Variants in CD44 observed in about 807,000 individuals in gnomAD.
CD44 encodes the protein CD44 molecule (IN blood group), also known as CD44 antigen.
In CD44, 49 loss-of-function variants were observed where a neutral mutation model predicts 88.8. The ratio of observed to expected loss-of-function variants is 0.55; its 90% CI spans 0.44 to 0.70. CD44 has a LOEUF of 0.70. Among genes scored for constraint, CD44 ranks in the 30% least tolerant of loss-of-function variants. The probability of loss-of-function intolerance (pLI) is 0.00; values close to 1 mark genes in which losing one functional copy is unlikely to be tolerated. For missense variants in CD44, 883 were observed against 913.8 expected (o/e 0.97, Z 0.43); for synonymous variants, 325 against 312.3 (o/e 1.04, Z -0.43).
intron 1 of CD44, among the ~76,000 whole-genome samples, chr11:35,168,699 A>C (rs1455330807): frequency 2.0e-5 from 3 of 152,246 alleles, no homozygotes; most frequent in Non-Finnish European, 4.4e-5. Context: ...CTCAAGTTAG[A>C]AAACAAATTA....
chr11:35,147,747 A>T (rs1252837472), intron 1 of CD44, among the ~76,000 whole-genome samples: 1 of 152,196 alleles, frequency 6.6e-6, no homozygotes, highest in Non-Finnish European at 1.5e-5. Context: ...TAGTAGCACG[A>T]TAACAGTAAA....
chr11:35,218,689 T>A (rs1346805969), intron 15 of CD44, among the ~76,000 whole-genome samples: 2 of 152,178 alleles, frequency 1.3e-5, no homozygotes, highest in Non-Finnish European at 2.9e-5. Context: ...CTTTGGGCTT[T>A]CTGGAGCGTG....
chr11:35,210,863 C>G, intron 13 of CD44: 1 of 169,222 alleles, frequency 5.9e-6, no homozygotes, highest in Non-Finnish European at 1.3e-5. Context: ...AAAATTTTAT[C>G]TTTCAATCCA....
chr11:35,186,268 T>G (rs1306314385), intron 3 of CD44, among the ~76,000 whole-genome samples: 5 of 152,212 alleles, frequency 3.3e-5, no homozygotes, highest in Admixed American at 3.3e-4. Flanking sequence ...ATATTTCAAC[T>G]GAGTAAATTC....
chr11:35,190,368 A>G (rs1946150324), intron 5 of CD44: 1 of 419,702 alleles, frequency 2.4e-6, no homozygotes, highest in Admixed American at 3.9e-5. Context: ...TACAGTAACA[A>G]TTCAAGCCTG....
chr11:35,146,846 A>G (rs1394342285), intron 1 of CD44, among the ~76,000 whole-genome samples: 4 of 152,260 alleles, frequency 2.6e-5, no homozygotes, highest in African/African-American at 9.6e-5. Flanking sequence ...GGGTGAGGTC[A>G]TAACATCCAC....
At chr11:35,196,003 A>G (rs1212433573) in intron 5 of CD44, among the ~76,000 whole-genome samples, 1 of 152,138 alleles carries the variant, frequency 6.6e-6, no homozygotes, top group African/African-American at 2.4e-5. Flanking sequence ...AAGATTATGT[A>G]TCTATTGCTG....
rs867073193 is a variant in CD44 at position 35,201,522 on chromosome 11, G to A, written c.1037-149G>A. ...TTGATTTTCTCTTGAGACCAATTAG[G>A]TAAAGTCACTCAAAATTTTTGAGAG... On this transcript the variant is annotated intron_variant, in intron 8 of 17. Coordinates refer to ENST00000428726, the MANE Select transcript of CD44 (RefSeq NM_000610.4). 9.4e-6 allele frequency: 8 copies of A among 849,230 alleles called. No individual in the cohort carries two copies. The South Asian group carries it at 1.4e-4, about 15-fold the overall frequency. 52.6% of individuals were successfully genotyped at this position (849,230 alleles called of 1,614,324 possible). A position where few individuals can be genotyped will look rare whatever the true frequency, so the allele number is the denominator to read the frequency against.
chr11:35,198,001 T>C (rs1946929513), intron 6 of CD44, 120 bp from the exon 7 acceptor site: 1 of 1,026,856 alleles, frequency 9.7e-7, no homozygotes, highest in African/African-American at 1.6e-5. Context: ...GCAAGTCAAC[T>C]CCCTCACTTT....
intron 3 of CD44, among the ~76,000 whole-genome samples, chr11:35,183,694 T>C (rs1331363706): frequency 2.6e-5 from 4 of 152,168 alleles, no homozygotes; most frequent in African/African-American, 9.7e-5. Flanking sequence ...AAGGCCTTTG[T>C]GATTTTTTTT....
intron 1 of CD44, among the ~76,000 whole-genome samples, chr11:35,176,039 A>ATTTTT (rs201610565): frequency 9.8e-6 from 1 of 102,212 alleles, no homozygotes; most frequent in Non-Finnish European, 2.0e-5. Context: ...TAATTTTTGT[A>ATTTTT]TTTTTTTTTT....
intron 17 of CD44, among the ~76,000 whole-genome samples, chr11:35,224,743 G>A (rs909702645): frequency 6.6e-6 from 1 of 151,870 alleles, no homozygotes; most frequent in Non-Finnish European, 1.5e-5. Flanking sequence ...AAACAAACAA[G>A]CAAACAAACA....
intron 1 of CD44, among the ~76,000 whole-genome samples, chr11:35,141,662 C>T (rs1857970229): frequency 6.6e-6 from 1 of 152,206 alleles, no homozygotes; most frequent in Admixed American, 6.5e-5. Flanking sequence ...TCCCAGAGAC[C>T]CGCAGTCTCC....
chr11:35,191,905 T>C (rs1376549038), intron 5 of CD44, among the ~76,000 whole-genome samples: 2 of 152,124 alleles, frequency 1.3e-5, no homozygotes, highest in African/African-American at 4.8e-5. Flanking sequence ...ATAAACATAG[T>C]TAGGAAGTAA....
rs775079440 is a variant in CD44, at chr11:35,208,222, C to T, written c.1516+16C>T. The T allele has an allele frequency of 9.3e-6, 14 of 1,509,770 alleles. No individual in the cohort carries two copies. The South Asian group carries it at 1.5e-4, about 16-fold the overall frequency. 93.5% of individuals were successfully genotyped at this position (1,509,770 alleles called of 1,614,324 possible). A position where few individuals can be genotyped will look rare whatever the true frequency, so the allele number is the denominator to read the frequency against. ...ATGACAACGCGTAAGAATAACGATG[C>T]TCAGCCACTTTATTGACTTGTATTC... On this transcript the variant is annotated intron_variant, in intron 12 of 17. Coordinates refer to ENST00000428726, the MANE Select transcript of CD44 (RefSeq NM_000610.4).
At chr11:35,209,663 G>A (rs1052582943) in intron 12 of CD44, among the ~76,000 whole-genome samples, 2 of 152,150 alleles carry the variant, frequency 1.3e-5, no homozygotes, top group African/African-American at 2.4e-5. Context: ...GAGTGACTGG[G>A]AGCAATGCTG....
chr11:35,191,925 G>C (rs138993895), intron 5 of CD44, among the ~76,000 whole-genome samples: 1 of 152,202 alleles, frequency 6.6e-6, no homozygotes, highest in African/African-American at 2.4e-5. Flanking sequence ...ATATTGAAGA[G>C]AGGCAAGGAT....
At chr11:35,192,485 T>G (rs1946357568) in intron 5 of CD44, among the ~76,000 whole-genome samples, 1 of 152,182 alleles carries the variant, frequency 6.6e-6, no homozygotes, top group Non-Finnish European at 1.5e-5. Flanking sequence ...GCCTCCCTCA[T>G]GCATTGCAGG....
chr11:35,215,087 T>G, intron 15 of CD44, 173 bp downstream of exon 15: 1 of 410,288 alleles, frequency 2.4e-6, no homozygotes. Flanking sequence ...ACCCTTAAGG[T>G]TCCTGATTCA....
Sources: gnomAD v4.1 joint callset for allele counts (sites outside exome capture counted in the v4.1 genomes callset) on GRCh38, gnomAD v4.1.1 for gene constraint, MANE v1.5 for transcripts, NCBI Gene and HGNC (gene_info 2026-07-23, HGNC 2026-07-21) for gene names.